Variants in SCAPER observed in about 807,000 individuals in gnomAD.
The protein encoded by SCAPER is S-phase cyclin A associated protein in the ER, also known as S phase cyclin A-associated protein in the endoplasmic reticulum.
SCAPER carries 98 observed loss-of-function variants against 182.2 expected under a neutral mutation model. That is an observed-to-expected ratio of 0.54 (90% CI 0.46 to 0.64). SCAPER has a LOEUF of 0.64. SCAPER is among the 30% of genes least tolerant of loss of function. The pLI is 0.00. For missense variants in SCAPER, 1,432 were observed against 1,690.0 expected (o/e 0.85, Z 2.68); for synonymous variants, 605 against 564.6 (o/e 1.07, Z -1.01).
At chr15:76,540,800 C>A (rs1459517791) in intron 23 of SCAPER, among the ~76,000 whole-genome samples, 7 of 151,826 alleles carry the variant, frequency 4.6e-5, no homozygotes, top group Admixed American at 4.6e-4. Context: ...TTATAGTATC[C>A]TTATGATAGA....
Position 76,702,874 on chromosome 15 carries a change from C to T in SCAPER, c.2376G>A (p.Lys792=), listed in dbSNP as rs1186671194. The change falls in exon 19 of 32, where the codon AAG becomes AAA. Residue 792 remains lysine (K), a synonymous_variant. Coordinates refer to ENST00000563290, the MANE Select transcript of SCAPER (RefSeq NM_020843.4). ...APKLTPYERK[K]QCSLCNVLIS... ...CCAGGACATTGCAGAGAGAACACTG[C>T]TTCTTTCTTTCATAAGGGGTCAGTT... 6 of 1,608,162 alleles carry T rather than the reference C, an allele frequency of 3.7e-6. No homozygotes were observed. In the South Asian group the frequency reaches 6.7e-5, roughly 18 times the overall value.
intron 25 of SCAPER, among the ~76,000 whole-genome samples, chr15:76,435,395 T>A (rs1455310252): frequency 6.6e-6 from 1 of 152,260 alleles, no homozygotes; most frequent in Non-Finnish European, 1.5e-5. Context: ...CCTATTTATG[T>A]ATCACTAATT....
At chr15:76,636,420 C>A (rs1406278603) in intron 21 of SCAPER, among the ~76,000 whole-genome samples, 5 of 151,666 alleles carry the variant, frequency 3.3e-5, no homozygotes, top group Non-Finnish European at 5.9e-5. Flanking sequence ...TTCTCCCTTT[C>A]CCTGGGAAAT....
intron 17 of SCAPER, among the ~76,000 whole-genome samples, chr15:76,722,605 G>A (rs995684260): frequency 2.4e-4 from 37 of 152,062 alleles, no homozygotes; most frequent in African/African-American, 8.9e-4. Context: ...CAATTTCAGA[G>A]CCTGTTATTG....
chr15:76,875,697 G>A (rs1352957317), intron 2 of SCAPER, among the ~76,000 whole-genome samples: 13 of 152,204 alleles, frequency 8.5e-5, no homozygotes, highest in Non-Finnish European at 4.4e-5. Flanking sequence ...CGTGTCCGGA[G>A]TTTGTTCCTT....
At chr15:76,365,231 A>G (rs1460113804) in intron 29 of SCAPER, among the ~76,000 whole-genome samples, 4 of 152,202 alleles carry the variant, frequency 2.6e-5, no homozygotes, top group Non-Finnish European at 5.9e-5. Context: ...CTCCTAGCAC[A>G]TGGTTTGACA....
At chr15:76,859,146 T>A (rs2071661426) in intron 3 of SCAPER, among the ~76,000 whole-genome samples, 1 of 152,154 alleles carries the variant, frequency 6.6e-6, no homozygotes, top group South Asian at 2.1e-4. Flanking sequence ...AAAATAGGAA[T>A]AAAATTCTAT....
chr15:76,363,480 G>A (rs947860028), intron 29 of SCAPER, among the ~76,000 whole-genome samples: 1 of 152,202 alleles, frequency 6.6e-6, no homozygotes, highest in African/African-American at 2.4e-5. Flanking sequence ...GGTAGGGTAG[G>A]GCAGAAGCAG....
At chr15:76,523,731 G>T (rs577608588) in intron 23 of SCAPER, among the ~76,000 whole-genome samples, 1 of 151,898 alleles carries the variant, frequency 6.6e-6, no homozygotes, top group South Asian at 2.1e-4. Context: ...ACTTTTTTTT[G>T]AAGAAAATAC....
intron 17 of SCAPER, among the ~76,000 whole-genome samples, chr15:76,717,292 C>T (rs538337568): frequency 7.9e-5 from 12 of 151,948 alleles, no homozygotes; most frequent in Admixed American, 4.6e-4. Flanking sequence ...AATGCTTCTT[C>T]GAGGAGAAAG....
At position 76,463,879 on chromosome 15, in the gene SCAPER, A is replaced by G. The variant is rs2049375200; in HGVS notation, c.3078+7333T>C. ...CCAGGGTCCAGGTCATGGTTCTGCC[A>G]CTAGGTAGCTCTGTGATCCTTTTCC... On this transcript the variant is annotated intron_variant, in intron 25 of 31. Transcript: ENST00000563290. Among the ~76,000 whole-genome samples the G allele has an allele frequency of 2.6e-5, 4 of 152,222 alleles. No individual in the cohort carries two copies. The South Asian group carries it at 8.3e-4, about 32-fold the overall frequency.
chr15:76,730,929 C>T lies in SCAPER; in HGVS notation c.2023-2192G>A, dbSNP rs927405135. On this transcript the variant is annotated intron_variant, in intron 16 of 31. Transcript: ENST00000563290. ...CATTGTATGAAAAGAGATAACTGGA[C>T]GTAAAAAGTTACTCAACCTATTAAT... Among the ~76,000 whole-genome samples, 4 of 152,132 alleles carry T rather than the reference C, an allele frequency of 2.6e-5. No homozygotes were observed. In the East Asian group the frequency reaches 5.8e-4, roughly 22 times the overall value.
intron 25 of SCAPER, among the ~76,000 whole-genome samples, chr15:76,458,321 TAG>T (rs1426078899): frequency 1.3e-5 from 2 of 151,840 alleles, no homozygotes; most frequent in Admixed American, 6.6e-5. Context: ...ATTATATATG[TAG>T]AGAGAGAAAA....
intron 23 of SCAPER, among the ~76,000 whole-genome samples, chr15:76,518,145 G>A (rs977374157): frequency 1.3e-5 from 2 of 152,148 alleles, no homozygotes; most frequent in Non-Finnish European, 2.9e-5. Flanking sequence ...GAAAATGTGG[G>A]ACCAGGGTTA....
At chr15:76,863,721 C>G (rs1369556879) in intron 2 of SCAPER, among the ~76,000 whole-genome samples, 1 of 152,070 alleles carries the variant, frequency 6.6e-6, no homozygotes, top group Admixed American at 6.5e-5. Context: ...TAATCCACTC[C>G]CCGTGAATAT....
At chr15:76,741,623 G>A (rs1214449265) in intron 15 of SCAPER, among the ~76,000 whole-genome samples, 1 of 152,062 alleles carries the variant, frequency 6.6e-6, no homozygotes, top group African/African-American at 2.4e-5. Context: ...TGTATACATA[G>A]GACTCCAAAG....
intron 23 of SCAPER, among the ~76,000 whole-genome samples, chr15:76,530,369 T>C (rs186042756): frequency 6.6e-6 from 1 of 152,342 alleles, no homozygotes; most frequent in East Asian, 1.9e-4. Flanking sequence ...CTATCAGGCA[T>C]CCAATTTACT....
chr15:76,764,365 G>A (rs561018181), intron 14 of SCAPER, among the ~76,000 whole-genome samples: 3 of 152,258 alleles, frequency 2.0e-5, no homozygotes, highest in Admixed American at 6.5e-5. Context: ...AGCATCCCTG[G>A]TAGGTGGGAG....
intron 2 of SCAPER, among the ~76,000 whole-genome samples, chr15:76,862,899 C>G (rs1251621401): frequency 6.6e-6 from 1 of 152,114 alleles, no homozygotes. Context: ...CCCTAAAAGA[C>G]CTCTTCAGCA....
Sources: allele counts gnomAD v4.1 joint callset (sites outside exome capture counted in the v4.1 genomes callset), GRCh38; gene constraint gnomAD v4.1.1; transcripts MANE v1.5; gene names NCBI Gene and HGNC (gene_info 2026-07-23, HGNC 2026-07-21).